Variants in DCAF8L2 observed in about 807,000 individuals in gnomAD.
DCAF8L2 encodes the protein DDB1- and CUL4-associated factor 8-like protein 2.
For missense variants in DCAF8L2, 430 were observed against 490.7 expected, an observed-to-expected ratio of 0.88 and a Z score of 1.17; for synonymous variants, 200 against 190.9, an observed-to-expected ratio of 1.05 and a Z score of -0.39.
the DCAF8L2 span, among the ~76,000 whole-genome samples, chrX:27,559,247 C>G: frequency 6.3e-5 from 7 of 111,714 alleles, no homozygotes; most frequent in Non-Finnish European, 9.4e-5. Context: ...ACGACCTTTG[C>G]TGTAAAGAGA....
intron 1 of DCAF8L2, among the ~76,000 whole-genome samples, chrX:27,624,099 T>C (rs1455830031): frequency 1.8e-5 from 2 of 111,916 alleles, no homozygotes; most frequent in Non-Finnish European, 3.8e-5. Flanking sequence ...GGAATTAGAA[T>C]TGTCAGAGTT....
At chrX:27,614,266 G>T (rs1376897167) in intron 1 of DCAF8L2, among the ~76,000 whole-genome samples, 1 of 109,723 alleles carries the variant, frequency 9.1e-6, no homozygotes, top group African/African-American at 3.3e-5. Context: ...TTTTCTGATG[G>T]TAGTTTGTAT....
At chrX:27,523,543 A>G in the DCAF8L2 span, among the ~76,000 whole-genome samples, 5 of 109,921 alleles carry the variant, frequency 4.5e-5, no homozygotes, top group African/African-American at 1.3e-4. Flanking sequence ...TAGAATCTAG[A>G]GTCTACAATA....
At chrX:27,701,542 A>G (rs1360498993) in intron 3 of DCAF8L2, among the ~76,000 whole-genome samples, 1 of 111,536 alleles carries the variant, frequency 9.0e-6, no homozygotes, top group Non-Finnish European at 1.9e-5. Context: ...AAAGAATTAA[A>G]TTAGATATAA....
At chrX:27,622,425 CA>C (rs747437637) in intron 1 of DCAF8L2, among the ~76,000 whole-genome samples, 1 of 105,270 alleles carries the variant, frequency 9.5e-6, no homozygotes, top group Non-Finnish European at 2.0e-5. Context: ...ACTCCATCTA[CA>C]AAAAAAAAGA....
At chrX:27,469,132 G>A in the DCAF8L2 span, among the ~76,000 whole-genome samples, 3,125 of 111,669 alleles carry the variant, frequency 0.028, 82 homozygotes, top group African/African-American at 0.077. Flanking sequence ...ATTAAGCAGA[G>A]GAAAGAAAAA....
intron 3 of DCAF8L2, among the ~76,000 whole-genome samples, chrX:27,714,919 T>G (rs991377100): frequency 2.7e-5 from 3 of 111,717 alleles, no homozygotes; most frequent in African/African-American, 9.8e-5. Context: ...TTATTTTTAT[T>G]TTTTTAGTTA....
At chrX:27,596,284 T>A (rs1406415012) in intron 1 of DCAF8L2, among the ~76,000 whole-genome samples, 1 of 111,837 alleles carries the variant, frequency 8.9e-6, no homozygotes, top group Admixed American at 9.5e-5. Flanking sequence ...GGAAGGCAGA[T>A]GTATGGTTAA....
the DCAF8L2 span, among the ~76,000 whole-genome samples, chrX:27,564,527 C>T: frequency 1.4e-4 from 9 of 64,347 alleles, no homozygotes; most frequent in East Asian, 1.6e-3. Context: ...CACACGTGCA[C>T]GCACACACAT....
intron 4 of DCAF8L2, among the ~76,000 whole-genome samples, chrX:27,718,937 T>C (rs1424164048): frequency 8.9e-6 from 1 of 111,860 alleles, no homozygotes; most frequent in African/African-American, 3.2e-5. Flanking sequence ...TGTGTATGTA[T>C]GTATATTATA....
intron 1 of DCAF8L2, among the ~76,000 whole-genome samples, chrX:27,614,703 G>A (rs1238443329): frequency 4.9e-4 from 51 of 103,946 alleles, no homozygotes; most frequent in South Asian, 1.7e-3. Context: ...CCTTCATTTC[G>A]TTATGTACCC....
intron 2 of DCAF8L2, among the ~76,000 whole-genome samples, chrX:27,662,234 A>T (rs1929583968): frequency 9.0e-6 from 1 of 111,302 alleles, no homozygotes; most frequent in South Asian, 3.8e-4. Flanking sequence ...ATCTATAAAT[A>T]ATTTTAGAAG....
the DCAF8L2 span, among the ~76,000 whole-genome samples, chrX:27,537,827 C>G: frequency 3.4e-4 from 38 of 111,926 alleles, no homozygotes; most frequent in African/African-American, 1.2e-3. Context: ...TGCAAAGACG[C>G]TGAGGTATGG....
intron 3 of DCAF8L2, among the ~76,000 whole-genome samples, chrX:27,713,328 C>G (rs779500735): frequency 2.7e-5 from 3 of 111,180 alleles, no homozygotes; most frequent in Non-Finnish European, 3.8e-5. Context: ...CCAAATGTTG[C>G]TAATGAATGA....
the DCAF8L2 span, among the ~76,000 whole-genome samples, chrX:27,513,106 A>G: frequency 8.9e-6 from 1 of 111,959 alleles, no homozygotes; most frequent in Non-Finnish European, 1.9e-5. Context: ...AAGTGGATTA[A>G]ATACTTAAAT....
chrX:27,580,572 C>T, the DCAF8L2 span, among the ~76,000 whole-genome samples: 21 of 111,141 alleles, frequency 1.9e-4, no homozygotes, highest in African/African-American at 6.9e-4. Flanking sequence ...CAGATTATCC[C>T]GTGCCCTGAA....
intron 1 of DCAF8L2, among the ~76,000 whole-genome samples, chrX:27,617,421 T>C (rs978201015): frequency 9.1e-6 from 1 of 110,414 alleles, no homozygotes; most frequent in Non-Finnish European, 1.9e-5. Context: ...CTATACCACT[T>C]GGTGTTCTGC....
intron 2 of DCAF8L2, among the ~76,000 whole-genome samples, chrX:27,671,058 G>C (rs1167098705): frequency 8.9e-6 from 1 of 111,754 alleles, no homozygotes; most frequent in Admixed American, 9.5e-5. Context: ...ACACTGGGGA[G>C]GGGGTGGTAT....
rs1051790914 is a variant in DCAF8L2 at position 27,609,815 on chromosome X, C to A, written c.-342+19375C>A. On this transcript the variant is annotated intron_variant, in intron 1 of 4. Transcript: ENST00000451261. ...TCATCTTAAAATAATAGAATTCTGG[C>A]ACCCCACAGCTAAACTTTAATTATG... Among the ~76,000 whole-genome samples the A allele has an allele frequency of 4.5e-5, 5 of 111,817 alleles. No homozygotes were observed. In the South Asian group the frequency reaches 1.1e-3, roughly 25 times the overall value.
Sources: allele counts gnomAD v4.1 joint callset (sites outside exome capture counted in the v4.1 genomes callset), GRCh38; gene constraint gnomAD v4.1.1; transcripts MANE v1.5; gene names NCBI Gene and HGNC (gene_info 2026-07-23, HGNC 2026-07-21).